Variants in PITPNM2 observed in about 807,000 individuals in gnomAD.
The protein encoded by PITPNM2 is membrane-associated phosphatidylinositol transfer protein 2.
A neutral mutation model predicts 132.2 loss-of-function variants in PITPNM2; 35 were observed. The ratio of observed to expected loss-of-function variants is 0.26; its 90% CI spans 0.20 to 0.35. The LOEUF (loss-of-function observed/expected upper bound fraction) is 0.35, where lower values mean the gene tolerates loss of function less well. Among genes scored for constraint, PITPNM2 ranks in the 10% least tolerant of loss-of-function variants. PITPNM2 has a pLI of 1.00. For synonymous variants in PITPNM2, 738 were observed against 799.2 expected, an observed-to-expected ratio of 0.92 and a Z score of 1.29; for missense variants, 1,332 against 1,912.0, an observed-to-expected ratio of 0.70 and a Z score of 5.66.
intron 1 of PITPNM2, among the ~76,000 whole-genome samples, chr12:123,142,522 A>C (rs888774896): frequency 1.3e-5 from 2 of 152,200 alleles, no homozygotes; most frequent in Non-Finnish European, 2.9e-5. Flanking sequence ...TAAACACATC[A>C]AACAAATTTC....
At chr12:123,048,499 G>C (rs1313220112) in intron 2 of PITPNM2, among the ~76,000 whole-genome samples, 1 of 151,534 alleles carries the variant, frequency 6.6e-6, no homozygotes, top group Admixed American at 6.6e-5. Flanking sequence ...TGCAAGCTCT[G>C]CTTCCCCGGT....
At chr12:123,087,552 T>TA (rs2042146822) in intron 2 of PITPNM2, 1 of 152,084 alleles carries the variant, frequency 6.6e-6, no homozygotes, top group East Asian at 1.9e-4. Flanking sequence ...TGCAACTTTC[T>TA]AAAAAATGCC....
chr12:123,139,180 G>A (rs769790902), intron 1 of PITPNM2, among the ~76,000 whole-genome samples: 4 of 151,870 alleles, frequency 2.6e-5, no homozygotes, highest in Non-Finnish European at 4.4e-5. Context: ...TTCATATCAT[G>A]TGTAAATTCA....
chr12:123,049,048 C>A (rs932564492), intron 2 of PITPNM2, among the ~76,000 whole-genome samples: 1 of 152,110 alleles, frequency 6.6e-6, no homozygotes, highest in African/African-American at 2.4e-5. Flanking sequence ...GCTGGAGGAT[C>A]TCTTGAGCCC....
intron 1 of PITPNM2, among the ~76,000 whole-genome samples, chr12:123,144,241 G>GT (rs1218640973): frequency 6.6e-6 from 1 of 152,174 alleles, no homozygotes; most frequent in African/African-American, 2.4e-5. Context: ...TGTGCTTTGT[G>GT]TTGGTGATTT....
intron 2 of PITPNM2, among the ~76,000 whole-genome samples, chr12:123,110,025 A>G (rs1214679634): frequency 6.6e-6 from 1 of 152,186 alleles, no homozygotes; most frequent in Non-Finnish European, 1.5e-5. Flanking sequence ...TAGTGCGACC[A>G]TGGCTTACTG....
chr12:122,986,315 C>A lies in PITPNM2; in HGVS notation c.3762G>T (p.Gln1254His). Residue 1254 changes from glutamine to histidine, a missense_variant, in exon 26 of 26, where the codon CAG (glutamine) becomes CAT (histidine). Around this residue, in one of 6 missense-constraint regions of PITPNM2, gnomAD observed 163 missense variants for 177.2 expected, o/e 0.92. Transcript: ENST00000320201. The part of the protein sequence containing the change: ...ITDGYAAHLA[Q>H]LKYSHRARPA... ...GCCGCGCCCGGTGGCTGTACTTCAG[C>A]TGCGCCAGGTGGGCCGCGTAGCCAT... The A allele has an allele frequency of 6.3e-7, 1 of 1,582,056 alleles. No individual in the cohort carries two copies.
At chr12:123,072,070 C>A (rs575017582) in intron 2 of PITPNM2, among the ~76,000 whole-genome samples, 3 of 152,218 alleles carry the variant, frequency 2.0e-5, no homozygotes, top group Admixed American at 2.0e-4. Context: ...AGCCTGTTCA[C>A]AGCCACAGGC....
intron 2 of PITPNM2, among the ~76,000 whole-genome samples, chr12:123,093,053 T>G (rs1465965983): frequency 6.6e-6 from 1 of 152,216 alleles, no homozygotes; most frequent in Non-Finnish European, 1.5e-5. Flanking sequence ...TGAGAAGGAA[T>G]GAAGCTCAGA....
chr12:123,131,726 CTG>C (rs2043266741), intron 1 of PITPNM2, among the ~76,000 whole-genome samples: 3 of 152,342 alleles, frequency 2.0e-5, no homozygotes, highest in Non-Finnish European at 2.9e-5. Flanking sequence ...AGCTCCTAGC[CTG>C]TGTCTGTGCT....
At chr12:123,028,601 G>A (rs1042117617) in intron 3 of PITPNM2, among the ~76,000 whole-genome samples, 2 of 152,202 alleles carry the variant, frequency 1.3e-5, no homozygotes, top group African/African-American at 4.8e-5. Flanking sequence ...GAAGTGCACA[G>A]GAAAGTCAGG....
In PITPNM2 at chr12:122,984,235, A is replaced by C. The variant is rs2037844758; in HGVS notation, c.*1792T>G. 1 of 152,614 alleles carries C rather than the reference A, an allele frequency of 6.6e-6. No homozygotes were observed. Among genetic ancestry groups the C allele is most frequent in the South Asian group, 2.1e-4 (1 of 4,832 alleles). The allele number at this position is 152,614 out of a possible 1,614,324, so 9.5% of individuals were successfully genotyped here. A position where few individuals can be genotyped will look rare whatever the true frequency, so the allele number is the denominator to read the frequency against. ...CCGGCCTTTATTGCAGGAGGGCCCG[A>C]GACTCTTCCAGGTGCTTCTCTGGAT... On this transcript the variant is annotated 3_prime_UTR_variant, in exon 26 of 26. Transcript: ENST00000320201.
intron 5 of PITPNM2, among the ~76,000 whole-genome samples, chr12:123,011,495 T>A (rs561497460): frequency 6.6e-6 from 1 of 152,312 alleles, no homozygotes; most frequent in East Asian, 1.9e-4. Flanking sequence ...GGAAGAGCTA[T>A]GTACACCCCA....
intron 2 of PITPNM2, among the ~76,000 whole-genome samples, chr12:123,043,629 G>A (rs1462845221): frequency 6.6e-6 from 1 of 152,238 alleles, no homozygotes; most frequent in East Asian, 1.9e-4. Context: ...GCCACCTGGG[G>A]GCACCGTGGG....
intron 3 of PITPNM2, among the ~76,000 whole-genome samples, chr12:123,025,972 G>A (rs1035273760): frequency 3.3e-5 from 5 of 152,200 alleles, no homozygotes; most frequent in Non-Finnish European, 4.4e-5. Context: ...TTACTAAATG[G>A]CAGAGCCAGG....
chr12:123,102,800 A>G (rs1248364691), intron 2 of PITPNM2, among the ~76,000 whole-genome samples: 12 of 152,218 alleles, frequency 7.9e-5, no homozygotes, highest in Non-Finnish European at 1.5e-5. Flanking sequence ...CACAGTGATC[A>G]ACCTAAGTGT....
At chr12:123,114,762 A>C (rs2042903707) in intron 1 of PITPNM2, among the ~76,000 whole-genome samples, 1 of 152,180 alleles carries the variant, frequency 6.6e-6, no homozygotes, top group South Asian at 2.1e-4. Flanking sequence ...AGAATGGCTG[A>C]AGAGTCGATG....
intron 2 of PITPNM2, among the ~76,000 whole-genome samples, chr12:123,072,713 AG>A (rs1207333865): frequency 2.0e-5 from 3 of 152,264 alleles, no homozygotes; most frequent in Non-Finnish European, 2.9e-5. Context: ...TTCATCTGAA[AG>A]GGGCTTTCAG....
rs1325861934 is a variant in PITPNM2, at chr12:123,093,587, G to A, written c.-96+16798C>T. Among the ~76,000 whole-genome samples the A allele has an allele frequency of 2.6e-5, 4 of 152,074 alleles. No individual in the cohort carries two copies. The South Asian group carries it at 8.3e-4, about 31-fold the overall frequency. On this transcript the variant is annotated intron_variant, in intron 2 of 25. Coordinates refer to ENST00000320201, the MANE Select transcript of PITPNM2 (RefSeq NM_020845.3). Reference sequence around the variant, plus strand: ...CCTGAGCCCCTTCCTCCTGCCACTCGGCAGCCCCTCCAGAGCCAACCTCCC... The same window carrying A: ...CCTGAGCCCCTTCCTCCTGCCACTCAGCAGCCCCTCCAGAGCCAACCTCCC...
Sources: gnomAD v4.1 joint callset for allele counts (sites outside exome capture counted in the v4.1 genomes callset) on GRCh38, gnomAD v4.1.1 for gene constraint, gnomAD v4.1.1 regional missense constraint, MANE v1.5 for transcripts, NCBI Gene and HGNC (gene_info 2026-07-23, HGNC 2026-07-21) for gene names.